Variants in PCDH11Y observed in about 807,000 individuals in gnomAD.
PCDH11Y encodes protocadherin 11 Y-linked, also known as protocadherin-11 Y-linked.
For missense variants in PCDH11Y, 12 were observed against 224.8 expected, an observed-to-expected ratio of 0.05 and a Z score of 6.05; for synonymous variants, 9 against 83.6, an observed-to-expected ratio of 0.11 and a Z score of 4.87.
intron 2 of PCDH11Y, among the ~76,000 whole-genome samples, chrY:5,236,346 G>T: frequency 6.3e-5 from 2 of 31,944 alleles, no homozygotes; most frequent in African/African-American, 1.2e-4. Flanking sequence ...CATTACAAGA[G>T]ATCCTGAAAA....
At chrY:5,377,511 T>G in intron 2 of PCDH11Y, among the ~76,000 whole-genome samples, 1 of 33,545 alleles carries the variant, frequency 3.0e-5, no homozygotes, top group Non-Finnish European at 7.4e-5. Flanking sequence ...GAATTGCACT[T>G]TAAACTTTTG....
intron 2 of PCDH11Y, among the ~76,000 whole-genome samples, chrY:5,322,094 C>G: frequency 1.2e-4 from 4 of 32,026 alleles, no homozygotes; most frequent in Non-Finnish European, 3.0e-4. Context: ...CTTTGCATCT[C>G]TAATGATGGT....
At chrY:5,139,066 A>G in intron 2 of PCDH11Y, among the ~76,000 whole-genome samples, 1 of 33,821 alleles carries the variant, frequency 3.0e-5, no homozygotes, top group Admixed American at 2.7e-4. Flanking sequence ...TTTTATACCA[A>G]TGATGCAGGG....
At chrY:5,711,422 C>T in intron 4 of PCDH11Y, among the ~76,000 whole-genome samples, 2 of 28,977 alleles carry the variant, frequency 6.9e-5, no homozygotes, top group East Asian at 9.1e-4. Flanking sequence ...TCTTTGGAGA[C>T]GCCTCGTGTG....
chrY:5,000,664 C>T (rs1436083030), intron 1 of PCDH11Y, 59 bp downstream of exon 1: 1 of 23,328 alleles, frequency 4.3e-5, no homozygotes, highest in Admixed American at 3.8e-4. Flanking sequence ...GAGGTCCACA[C>T]TTAGTGCGCG....
chrY:5,472,779 A>G, intron 2 of PCDH11Y, among the ~76,000 whole-genome samples: 2 of 31,327 alleles, frequency 6.4e-5, no homozygotes, highest in South Asian at 1.4e-3. Context: ...TCTTTAAGTT[A>G]TTTCTCTATT....
At chrY:5,233,213 T>TG (rs2052970077) in intron 2 of PCDH11Y, among the ~76,000 whole-genome samples, 1 of 32,171 alleles carries the variant, frequency 3.1e-5, no homozygotes, top group South Asian at 7.3e-4. Flanking sequence ...GTGTCCTTGC[T>TG]GGGGGGCAAC....
intron 2 of PCDH11Y, among the ~76,000 whole-genome samples, chrY:5,391,192 A>G: frequency 3.2e-5 from 1 of 31,231 alleles, no homozygotes; most frequent in African/African-American, 1.2e-4. Context: ...AAATATAGTA[A>G]TAACTATGAC....
intron 1 of PCDH11Y, among the ~76,000 whole-genome samples, chrY:5,091,529 G>A: frequency 3.0e-5 from 1 of 33,122 alleles, no homozygotes; most frequent in African/African-American, 1.2e-4. Context: ...ATGGAGACCC[G>A]AAAAATAGAT....
intron 2 of PCDH11Y, among the ~76,000 whole-genome samples, chrY:5,266,674 A>G (rs1357241238): frequency 5.5e-4 from 18 of 32,965 alleles, no homozygotes; most frequent in Admixed American, 2.0e-3. Flanking sequence ...TAATTACAGT[A>G]TTATGTGATA....
chrY:5,046,887 C>T, intron 3 of PCDH11Y, among the ~76,000 whole-genome samples: 2 of 33,696 alleles, frequency 5.9e-5, no homozygotes, highest in East Asian at 8.1e-4. Flanking sequence ...AGGTGCCATC[C>T]GTCACCCCTT....
At chrY:5,048,401 C>T in intron 3 of PCDH11Y, among the ~76,000 whole-genome samples, 1 of 32,271 alleles carries the variant, frequency 3.1e-5, no homozygotes, top group African/African-American at 1.2e-4. Flanking sequence ...GATTTATGTT[C>T]CTCTGGGTAG....
chrY:5,160,038 TATATA>T (rs56707340), intron 2 of PCDH11Y, among the ~76,000 whole-genome samples: 27 of 15,032 alleles, frequency 1.8e-3, no homozygotes, highest in South Asian at 7.4e-3. Context: ...TAATATAATA[TATATA>T]ATATAATATA....
intron 1 of PCDH11Y, among the ~76,000 whole-genome samples, chrY:5,091,870 CA>C: frequency 3.2e-5 from 1 of 31,400 alleles, no homozygotes; most frequent in South Asian, 7.2e-4. Flanking sequence ...TGAAATCTGA[CA>C]AAATAGGGAA....
chrY:5,666,224 C>A, intron 4 of PCDH11Y, among the ~76,000 whole-genome samples: 1 of 33,146 alleles, frequency 3.0e-5, no homozygotes, highest in Non-Finnish European at 7.4e-5. Flanking sequence ...GCACTAAGAT[C>A]ATTCACTGCA....
intron 2 of PCDH11Y, among the ~76,000 whole-genome samples, chrY:5,385,620 T>C (rs2053213211): frequency 3.0e-5 from 1 of 33,721 alleles, no homozygotes; most frequent in Non-Finnish European, 7.3e-5. Flanking sequence ...TGCAGGTATT[T>C]TCACCAGCAG....
intron 2 of PCDH11Y, among the ~76,000 whole-genome samples, chrY:5,242,895 CT>C (rs2052990219): frequency 5.9e-5 from 2 of 33,673 alleles, no homozygotes; most frequent in East Asian, 1.6e-3. Flanking sequence ...ATATTAACAT[CT>C]GCAAAATCTT....
At chrY:5,704,656 C>T in intron 4 of PCDH11Y, among the ~76,000 whole-genome samples, 1 of 31,144 alleles carries the variant, frequency 3.2e-5, no homozygotes, top group African/African-American at 1.3e-4. Context: ...GTCTCGATCT[C>T]CTGACCTCAT....
At chrY:5,661,189 T>A in intron 4 of PCDH11Y, among the ~76,000 whole-genome samples, 2 of 32,960 alleles carry the variant, frequency 6.1e-5, no homozygotes, top group Non-Finnish European at 7.5e-5. Context: ...AAAAAGGCTA[T>A]ATATAATACT....
Sources: gnomAD v4.1 joint callset for allele counts (sites outside exome capture counted in the v4.1 genomes callset) on GRCh38, gnomAD v4.1.1 for gene constraint, MANE v1.5 for transcripts, NCBI Gene and HGNC (gene_info 2026-07-23, HGNC 2026-07-21) for gene names.